Variants in COL23A1 observed in about 807,000 individuals in gnomAD.
COL23A1 encodes the protein collagen type XXIII alpha 1 chain, also known as collagen alpha-1(XXIII) chain.
A neutral mutation model predicts 99.3 loss-of-function variants in COL23A1; 97 were observed. The observed-to-expected ratio is 0.98, with a 90% CI of 0.83 to 1.16. The LOEUF is 1.16. COL23A1 is among the 50% of genes most tolerant of loss of function. The pLI, the probability that COL23A1 is intolerant of heterozygous loss-of-function variation, is 0.00. For missense variants in COL23A1, 762 were observed against 757.4 expected (o/e 1.01, Z -0.07); for synonymous variants, 320 against 308.2 (o/e 1.04, Z -0.40).
At position 178,291,077 on chromosome 5, in the gene COL23A1, G is replaced by T. The variant is rs118061191; in HGVS notation, c.407-708C>A. On this transcript the variant is annotated intron_variant, in intron 3 of 28. Coordinates refer to ENST00000390654, the MANE Select transcript of COL23A1 (RefSeq NM_173465.4). ...GCAGAGGCTCACAGAGCAGCGACTT[G>T]TGTGGGGCCACATCGTTGATTATGG... 5.8e-4 allele frequency among the ~76,000 whole-genome samples: 89 copies of T among 152,356 alleles called. No individual in the cohort carries two copies. In the East Asian group the frequency reaches 0.015, roughly 25 times the overall value.
intron 2 of COL23A1, among the ~76,000 whole-genome samples, chr5:178,405,828 C>A (rs952203907): frequency 1.3e-5 from 2 of 152,166 alleles, no homozygotes; most frequent in Admixed American, 1.3e-4. Flanking sequence ...CTAGGCTGGG[C>A]GCAGTGGCTC....
At chr5:178,421,548 G>C (rs1765634044) in intron 2 of COL23A1, among the ~76,000 whole-genome samples, 1 of 152,154 alleles carries the variant, frequency 6.6e-6, no homozygotes, top group Admixed American at 6.5e-5. Context: ...ACTGCCATTT[G>C]TCGGAAACAG....
chr5:178,248,064 C>T (rs1737613810), intron 20 of COL23A1, 128 bp downstream of exon 20: 1 of 763,922 alleles, frequency 1.3e-6, no homozygotes, highest in Admixed American at 2.3e-5. Context: ...TCTCGCTCCC[C>T]TTACTCTCCC....
At chr5:178,258,475 T>G (rs1019836377) in intron 12 of COL23A1, among the ~76,000 whole-genome samples, 2 of 142,590 alleles carry the variant, frequency 1.4e-5, no homozygotes, top group Non-Finnish European at 3.1e-5. Context: ...CGGCTCACTG[T>G]GAGCTCTGCC....
chr5:178,523,929 T>C (rs1760163893), intron 2 of COL23A1, among the ~76,000 whole-genome samples: 1 of 152,196 alleles, frequency 6.6e-6, no homozygotes, highest in Admixed American at 6.5e-5. Context: ...CACTATTTCC[T>C]GAGACCTCTC....
intron 3 of COL23A1, among the ~76,000 whole-genome samples, chr5:178,296,432 T>C (rs1757744498): frequency 6.6e-6 from 1 of 152,206 alleles, no homozygotes; most frequent in Non-Finnish European, 1.5e-5. Context: ...CCCAGGGTCA[T>C]GTCCTCTTCT....
chr5:178,269,462 TCCACCCATCCAC>T (rs1561810072), intron 6 of COL23A1, among the ~76,000 whole-genome samples: 26 of 91,110 alleles, frequency 2.9e-4, no homozygotes, highest in East Asian at 2.1e-3. Flanking sequence ...CACCCATCCA[TCCACCCATCCAC>T]CCACCCATCC....
chr5:178,435,391 G>A (rs1046529868), intron 2 of COL23A1, among the ~76,000 whole-genome samples: 3 of 152,234 alleles, frequency 2.0e-5, no homozygotes, highest in South Asian at 2.1e-4. Context: ...CTATATGTGG[G>A]GTGATTCAGG....
At chr5:178,433,063 T>TTCCATCC (rs1480981545) in intron 2 of COL23A1, among the ~76,000 whole-genome samples, 1 of 151,944 alleles carries the variant, frequency 6.6e-6, no homozygotes, top group Non-Finnish European at 1.5e-5. Flanking sequence ...ATGGTGTCTT[T>TTCCATCC]TCCATCCTCC....
intron 2 of COL23A1, among the ~76,000 whole-genome samples, chr5:178,483,751 T>C (rs746971762): frequency 2.6e-5 from 4 of 152,222 alleles, no homozygotes; most frequent in Admixed American, 6.5e-5. Flanking sequence ...GGGGCCCATC[T>C]CCAATGCGGC....
chr5:178,538,148 G>C (rs1562066678), intron 2 of COL23A1, among the ~76,000 whole-genome samples: 1 of 152,222 alleles, frequency 6.6e-6, no homozygotes, highest in South Asian at 2.1e-4. Context: ...CAGAGGAGCT[G>C]AAGGGGAGAT....
chr5:178,562,240 T>TAA, intron 1 of COL23A1: 1 of 151,708 alleles, frequency 6.6e-6, no homozygotes, highest in South Asian at 7.5e-5. Context: ...AGACTCCATC[T>TAA]CAAAAAAAGA....
Position 178,577,573 on chromosome 5 carries a change from C to T in COL23A1, c.294+12331G>A, listed in dbSNP as rs1170296179. Among the ~76,000 whole-genome samples the T allele has an allele frequency of 4.6e-5, 7 of 152,288 alleles. 1 individual carries two copies. The East Asian group carries it at 9.7e-4, about 21-fold the overall frequency. On this transcript the variant is annotated intron_variant, in intron 1 of 28. Coordinates refer to ENST00000390654, the MANE Select transcript of COL23A1 (RefSeq NM_173465.4). ...GGCGCGCGGGGCCTGGGGAGGAGAC[C>T]TGGGGAACAGCCCAGGGCCCTCCCA... is the stretch of plus-strand genomic sequence containing the variant.
At chr5:178,288,528 G>C (rs768662416) in intron 4 of COL23A1, 178 bp from the exon 5 acceptor site, 3 of 668,810 alleles carry the variant, frequency 4.5e-6, no homozygotes, top group Non-Finnish European at 8.2e-6. Flanking sequence ...GCCCTTTCCT[G>C]CCTCAGAGGG....
At chr5:178,297,985 G>A (rs1428273743) in intron 3 of COL23A1, among the ~76,000 whole-genome samples, 1 of 152,218 alleles carries the variant, frequency 6.6e-6, no homozygotes, top group Non-Finnish European at 1.5e-5. Context: ...ACGCCAGCCA[G>A]GGGTTCCTGC....
chr5:178,473,292 C>T (rs1237509654), intron 2 of COL23A1, among the ~76,000 whole-genome samples: 2 of 151,736 alleles, frequency 1.3e-5, no homozygotes, highest in East Asian at 1.9e-4. Context: ...TGCAAGTACA[C>T]GCCATTTGAC....
chr5:178,301,320 GAGGGA>G (rs1367215756), intron 3 of COL23A1, among the ~76,000 whole-genome samples: 1 of 152,142 alleles, frequency 6.6e-6, no homozygotes, highest in Non-Finnish European at 1.5e-5. Flanking sequence ...TCTCCATTTA[GAGGGA>G]CATGATTCTC....
At position 178,279,835 on chromosome 5, in the gene COL23A1, C is replaced by T. The variant is rs150392179; in HGVS notation, c.441+8489G>A. ...CGACTCACACCTCCCTTCCTCAAGG[C>T]GGTGCCCCTGACCCCCACCAGGCCA... On this transcript the variant is annotated intron_variant, in intron 5 of 28. Coordinates refer to ENST00000390654, the MANE Select transcript of COL23A1 (RefSeq NM_173465.4). 2.2e-4 allele frequency among the ~76,000 whole-genome samples: 33 copies of T among 152,350 alleles called. 1 individual carries two copies. Among genetic ancestry groups the T allele is most frequent in the African/African-American group, 6.7e-4 (28 of 41,588 alleles).
chr5:178,318,557 C>T lies in COL23A1; in HGVS notation c.362-11638G>A, dbSNP rs567046096. ...AACATCTCTGAAGGGCCGAAGGGGC[C>T]GGACTAGCCAGCAGACCTGGACAGG... On this transcript the variant is annotated intron_variant, in intron 2 of 28. Transcript: ENST00000390654. Among the ~76,000 whole-genome samples the T allele has an allele frequency of 2.0e-4, 31 of 152,312 alleles. 1 individual carries two copies. The highest frequency in any genetic ancestry group is 7.0e-4 in the African/African-American group (29 of 41,564).
Sources: allele counts gnomAD v4.1 joint callset (sites outside exome capture counted in the v4.1 genomes callset), GRCh38; gene constraint gnomAD v4.1.1; transcripts MANE v1.5; gene names NCBI Gene and HGNC (gene_info 2026-07-23, HGNC 2026-07-21).